CDH13: variants seen among roughly 807,000 people sequenced by gnomAD.
CDH13 encodes cadherin-13.
CDH13 carries 24 observed loss-of-function variants against 63.8 expected under a neutral mutation model. The ratio of observed to expected loss-of-function variants is 0.38; its 90% CI spans 0.27 to 0.53. The LOEUF (loss-of-function observed/expected upper bound fraction) is 0.53. CDH13 is among the 20% of genes least tolerant of loss of function. The pLI, the probability that CDH13 is intolerant of heterozygous loss-of-function variation, is 0.85. For missense variants in CDH13, 1,049 were observed against 903.1 expected (o/e 1.16, Z -2.07); for synonymous variants, 503 against 355.3 (o/e 1.42, Z -4.67).
At chr16:83,394,042 T>A (rs940402198) in intron 6 of CDH13, among the ~76,000 whole-genome samples, 5 of 151,968 alleles carry the variant, frequency 3.3e-5, no homozygotes, top group African/African-American at 1.2e-4. Flanking sequence ...AGCTAAATGA[T>A]GAGAACACAT....
intron 2 of CDH13, among the ~76,000 whole-genome samples, chr16:83,012,722 G>C (rs1023383564): frequency 1.3e-5 from 2 of 151,996 alleles, no homozygotes; most frequent in Non-Finnish European, 2.9e-5. Context: ...TTTTGATACC[G>C]AAATTATAGA....
Position 83,341,978 on chromosome 16 carries a change from G to T in CDH13, c.637-2884G>T, listed in dbSNP as rs1480134223. Among the ~76,000 whole-genome samples the T allele has an allele frequency of 3.3e-5, 4 of 122,358 alleles. No individual in the cohort carries two copies. In the Admixed American group the frequency reaches 3.5e-4, roughly 11 times the overall value. The allele number at this position is 122,358 out of a possible 152,430, so 80.3% of individuals were successfully genotyped here. ...TTTTCTCCACCATTTATTTTGAATA[G>T]GTGTCCCCTGCCACACACACACACA... On this transcript the variant is annotated intron_variant, in intron 5 of 13. Transcript: ENST00000567109.
At chr16:82,802,592 G>C (rs1318254044) in intron 1 of CDH13, among the ~76,000 whole-genome samples, 1 of 152,008 alleles carries the variant, frequency 6.6e-6, no homozygotes, top group Non-Finnish European at 1.5e-5. Flanking sequence ...CACAGCCCAG[G>C]GTTCATACTC....
intron 1 of CDH13, among the ~76,000 whole-genome samples, chr16:82,710,407 C>A (rs1016914207): frequency 1.4e-5 from 2 of 145,550 alleles, no homozygotes; most frequent in Non-Finnish European, 1.5e-5. Context: ...GTGGTGGGTG[C>A]TGTAGTCCCA....
intron 4 of CDH13, among the ~76,000 whole-genome samples, chr16:83,128,648 A>G (rs1199640698): frequency 6.6e-6 from 1 of 152,236 alleles, no homozygotes; most frequent in Non-Finnish European, 1.5e-5. Context: ...GTTTTCTTCA[A>G]TTACACACAA....
chr16:83,078,715 C>G (rs1426299247), intron 3 of CDH13, among the ~76,000 whole-genome samples: 1 of 152,190 alleles, frequency 6.6e-6, no homozygotes, highest in Non-Finnish European at 1.5e-5. Flanking sequence ...GGCTGAAAGC[C>G]AGAAAAATGG....
intron 5 of CDH13, among the ~76,000 whole-genome samples, chr16:83,223,432 C>T (rs1390704180): frequency 6.6e-6 from 1 of 152,248 alleles, no homozygotes; most frequent in Non-Finnish European, 1.5e-5. Flanking sequence ...CACCTCCCAG[C>T]ACCATTACAT....
At chr16:83,099,697 G>A (rs919765173) in intron 3 of CDH13, among the ~76,000 whole-genome samples, 2 of 151,088 alleles carry the variant, frequency 1.3e-5, no homozygotes, top group Non-Finnish European at 2.9e-5. Flanking sequence ...TTTTAACTTT[G>A]AACCATTCTT....
At chr16:83,412,687 A>G (rs947406590) in intron 6 of CDH13, among the ~76,000 whole-genome samples, 1 of 152,160 alleles carries the variant, frequency 6.6e-6, no homozygotes, top group Non-Finnish European at 1.5e-5. Context: ...ACAAGAATGT[A>G]TGCACTACTC....
intron 5 of CDH13, among the ~76,000 whole-genome samples, chr16:83,284,883 AT>A (rs1463569693): frequency 6.6e-6 from 1 of 152,198 alleles, no homozygotes; most frequent in African/African-American, 2.4e-5. Flanking sequence ...TAGGGAAATG[AT>A]TTTTGTAATA....
intron 4 of CDH13, among the ~76,000 whole-genome samples, chr16:83,150,783 G>A (rs1702707914): frequency 6.6e-6 from 1 of 152,210 alleles, no homozygotes; most frequent in South Asian, 2.1e-4. Context: ...GATGAGGAAT[G>A]CTTGAGCTGG....
At chr16:83,161,901 A>G (rs2037463104) in intron 4 of CDH13, among the ~76,000 whole-genome samples, 2 of 152,220 alleles carry the variant, frequency 1.3e-5, no homozygotes, top group African/African-American at 4.8e-5. Context: ...TGAGGTAGCC[A>G]TCGATCCAGA....
At chr16:83,621,475 C>CTTTTT (rs72032168) in intron 8 of CDH13, among the ~76,000 whole-genome samples, 1,544 of 28,528 alleles carry the variant, frequency 0.054, 659 homozygotes, top group Non-Finnish European at 0.067. Flanking sequence ...CCTCACCTGC[C>CTTTTT]TTTTTTTTTT....
rs536534029 is a variant in CDH13 at position 82,818,681 on chromosome 16, C to A, written c.46-39681C>A. 3.3e-5 allele frequency among the ~76,000 whole-genome samples: 5 copies of A among 152,050 alleles called. No individual in the cohort carries two copies. In the East Asian group the frequency reaches 9.7e-4, roughly 29 times the overall value. ...CCTTTGGCTTCATAGCTGTAGAAAT[C>A]GGGCATTTTCCAAAAAAAAGGCAGT... On this transcript the variant is annotated intron_variant, in intron 1 of 13. Coordinates refer to ENST00000567109, the MANE Select transcript of CDH13 (RefSeq NM_001257.5).
At chr16:83,693,330 C>A (rs77768183) in intron 10 of CDH13, among the ~76,000 whole-genome samples, 1 of 152,266 alleles carries the variant, frequency 6.6e-6, no homozygotes, top group East Asian at 1.9e-4. Context: ...ACACAGTGCA[C>A]GGTACATAGC....
intron 5 of CDH13, among the ~76,000 whole-genome samples, chr16:83,240,051 G>A (rs531189559): frequency 6.6e-5 from 10 of 152,216 alleles, no homozygotes; most frequent in Non-Finnish European, 1.5e-4. Context: ...GAGGATGCAG[G>A]AGGTTGGGTG....
At chr16:83,789,594 C>G (rs1916123653) in intron 13 of CDH13, among the ~76,000 whole-genome samples, 1 of 151,958 alleles carries the variant, frequency 6.6e-6, no homozygotes, top group African/African-American at 2.4e-5. Flanking sequence ...AGTGATCCAC[C>G]CACCTCAGCC....
intron 8 of CDH13, among the ~76,000 whole-genome samples, chr16:83,613,217 A>T (rs1309637796): frequency 6.6e-6 from 1 of 152,186 alleles, no homozygotes; most frequent in African/African-American, 2.4e-5. Context: ...GCTGCTTTCA[A>T]AAACATTCTT....
chr16:83,035,338 A>T (rs577570874), intron 3 of CDH13, among the ~76,000 whole-genome samples: 3 of 152,124 alleles, frequency 2.0e-5, no homozygotes, highest in Non-Finnish European at 4.4e-5. Flanking sequence ...ACAGTGATGG[A>T]TGATCTCTGC....
Sources: allele counts gnomAD v4.1 joint callset (sites outside exome capture counted in the v4.1 genomes callset), GRCh38; gene constraint gnomAD v4.1.1; transcripts MANE v1.5; gene names NCBI Gene and HGNC (gene_info 2026-07-23, HGNC 2026-07-21).